The following VEGFD variants were observed in gnomAD, a reference collection of about 807,000 sequenced individuals.
VEGFD encodes the protein vascular endothelial growth factor D, also known as c-fos induced growth factor (vascular endothelial growth factor D).
A neutral mutation model predicts 28.0 loss-of-function variants in VEGFD; 26 were observed. The ratio of observed to expected loss-of-function variants is 0.93; its 90% CI spans 0.68 to 1.29. The LOEUF (loss-of-function observed/expected upper bound fraction) is 1.29. VEGFD is among the 50% of genes most tolerant of loss of function. VEGFD has a pLI of 0.00. For missense variants in VEGFD, 294 were observed against 273.4 expected (o/e 1.08, Z -0.53); for synonymous variants, 93 against 95.5 (o/e 0.97, Z 0.15).
At chrX:15,369,186 T>C (rs1923247820) in intron 1 of VEGFD, among the ~76,000 whole-genome samples, 1 of 111,466 alleles carries the variant, frequency 9.0e-6, no homozygotes, top group African/African-American at 3.3e-5. Context: ...TAGGAGAAAC[T>C]TGGAAGTGTC....
At chrX:15,368,127 AAG>A (rs1294080050) in intron 1 of VEGFD, among the ~76,000 whole-genome samples, 9 of 108,827 alleles carry the variant, frequency 8.3e-5, no homozygotes, top group African/African-American at 2.7e-4. Context: ...AAAGGAGAGA[AAG>A]AGAAAGAAAG....
At chrX:15,358,338 T>A in intron 2 of VEGFD, 145 bp from the exon 3 acceptor site, 1 of 511,320 alleles carries the variant, frequency 2.0e-6, no homozygotes, top group Non-Finnish European at 3.2e-6. Flanking sequence ...TGTCAGTCCT[T>A]TAACCAAAGA....
At chrX:15,350,564 G>T (rs781662670) in intron 5 of VEGFD, among the ~76,000 whole-genome samples, 12 of 112,230 alleles carry the variant, frequency 1.1e-4, no homozygotes, top group Non-Finnish European at 1.7e-4. Flanking sequence ...ACTGCGCTGT[G>T]GTCTGCTGCC....
At chrX:15,348,471 C>T in intron 5 of VEGFD, among the ~76,000 whole-genome samples, 1 of 112,564 alleles carries the variant, frequency 8.9e-6, no homozygotes, top group East Asian at 2.8e-4. Flanking sequence ...AACCAATTTT[C>T]CCACCAGGAC....
intron 2 of VEGFD, among the ~76,000 whole-genome samples, chrX:15,360,718 C>T (rs1222864039): frequency 8.9e-6 from 1 of 112,007 alleles, no homozygotes; most frequent in Non-Finnish European, 1.9e-5. Context: ...AGATAAATTA[C>T]TCAATTAAGT....
intron 1 of VEGFD, among the ~76,000 whole-genome samples, chrX:15,377,129 CTGTT>C (rs1210075589): frequency 8.9e-6 from 1 of 112,512 alleles, no homozygotes; most frequent in Non-Finnish European, 1.9e-5. Flanking sequence ...AACTCCCTGA[CTGTT>C]AGTAAGACAT....
rs763378988 is a variant in VEGFD at position 15,382,214 on chromosome X, A to G, written c.90+1643T>C. On this transcript the variant is annotated intron_variant, in intron 1 of 6. Coordinates refer to ENST00000297904, the MANE Select transcript of VEGFD (RefSeq NM_004469.5). ...ACGTGCCTATAATTCCAGCTACTCG[A>G]GAGGCTGAGGCAGGGGAATCACTTG... is the stretch of plus-strand genomic sequence containing the variant. 7.3e-5 allele frequency among the ~76,000 whole-genome samples: 8 copies of G among 110,335 alleles called. No individual in the cohort carries two copies. In the South Asian group the frequency reaches 2.7e-3, roughly 37 times the overall value.
At chrX:15,381,253 G>T in intron 1 of VEGFD, among the ~76,000 whole-genome samples, 1 of 110,701 alleles carries the variant, frequency 9.0e-6, no homozygotes, top group Non-Finnish European at 1.9e-5. Context: ...TTTCATGATT[G>T]CTACAGGAAA....
Position 15,347,155 on chromosome X carries a change from G to A in VEGFD, c.938+9C>T. On this transcript the variant is annotated intron_variant, in intron 6 of 6. Transcript: ENST00000297904. The stretch of plus-strand genomic sequence containing the variant: ...CATGAGTAAAGGCAAGACAACTCAA[G>A]GCATTTACCTGCAGGTGTCTGGGTG... The A allele has an allele frequency of 8.3e-7, 1 of 1,200,482 alleles. No individual in the cohort carries two copies. Among genetic ancestry groups the A allele is most frequent in the Non-Finnish European group, 1.1e-6 (1 of 888,699 alleles).
At chrX:15,348,045 A>G (rs890990957) in intron 5 of VEGFD, among the ~76,000 whole-genome samples, 1 of 112,207 alleles carries the variant, frequency 8.9e-6, no homozygotes, top group African/African-American at 3.3e-5. Context: ...TGCAAAATAA[A>G]TGGAAGAGAC....
chrX:15,352,320 C>CTT lies in VEGFD; in HGVS notation c.742+746_742+747dup, dbSNP rs72308727. 6.3e-3 allele frequency among the ~76,000 whole-genome samples: 633 copies of CTT among 100,472 alleles called. 4 individuals are homozygous for CTT. The highest frequency in any genetic ancestry group is 0.011 in the Non-Finnish European group (521 of 49,256). The allele number at this position is 100,472 out of a possible 115,157, so 87.2% of individuals were successfully genotyped here. On this transcript the variant is annotated intron_variant, in intron 5 of 6. Coordinates refer to ENST00000297904, the MANE Select transcript of VEGFD (RefSeq NM_004469.5). Reference sequence around the variant, plus strand: ...ACTACTTGTGACTTTTTTTTTCTTTCTTTTTTTTTTTTGGTGGAACCATGT... The same window carrying CTT: ...ACTACTTGTGACTTTTTTTTTCTTTCTTTTTTTTTTTTTTGGTGGAACCATGT...
chrX:15,361,991 C>T (rs1047783501), intron 2 of VEGFD, among the ~76,000 whole-genome samples: 5 of 111,513 alleles, frequency 4.5e-5, no homozygotes, highest in African/African-American at 1.6e-4. Context: ...GCCTCAGCCT[C>T]CCAAGTAGTT....
chrX:15,350,683 A>C (rs1232048867), intron 5 of VEGFD, among the ~76,000 whole-genome samples: 1 of 112,234 alleles, frequency 8.9e-6, no homozygotes, highest in Non-Finnish European at 1.9e-5. Context: ...TTAAGCTCTA[A>C]GTATATTGCC....
At chrX:15,350,815 C>T (rs865944967) in intron 5 of VEGFD, among the ~76,000 whole-genome samples, 9 of 61,001 alleles carry the variant, frequency 1.5e-4, no homozygotes, top group African/African-American at 5.7e-4. Flanking sequence ...CTTTCTTTCT[C>T]TCTCTCTCTC....
At chrX:15,383,683 TAA>T (rs1923643621) in intron 1 of VEGFD, among the ~76,000 whole-genome samples, 172 bp downstream of exon 1, 1 of 112,096 alleles carries the variant, frequency 8.9e-6, no homozygotes, top group Non-Finnish European at 1.9e-5. Flanking sequence ...GCCAGAAGTT[TAA>T]TAAGACTAAG....
At chrX:15,358,857 T>TA (rs1250438098) in intron 2 of VEGFD, among the ~76,000 whole-genome samples, 1 of 112,329 alleles carries the variant, frequency 8.9e-6, no homozygotes, top group South Asian at 3.6e-4. Flanking sequence ...CCTATGGGAA[T>TA]AAAAAAATTA....
In VEGFD at chrX:15,363,102, C is replaced by T. The variant is rs1320611869; in HGVS notation, c.301+7G>A. The T allele has an allele frequency of 5.0e-6, 6 of 1,204,210 alleles. No individual in the cohort carries two copies. The highest frequency in any genetic ancestry group is 1.8e-5 in the African/African-American group (1 of 57,029). On this transcript the variant is annotated splice_region_variant and intron_variant, in intron 2 of 6. Transcript: ENST00000297904. ...GAAAGAATTTGTCTCCACATCCACA[C>T]ACCTACCTTTTAGTGTTTCAATGTC...
chrX:15,363,236 GT>G lies in VEGFD; in HGVS notation c.173del (p.His58ProfsTer12). ...SSLEELLRIT[H>X]SEDWKLWRCR... is the part of the protein sequence containing the mutation. ...ATCTCCACAGCTTCCAGTCCTCAGA[GT>G]GAGTAATTCGAAGTAGTTCCTCCAA... On this transcript the variant is annotated frameshift_variant, in exon 2 of 7. Coordinates refer to ENST00000297904, the MANE Select transcript of VEGFD (RefSeq NM_004469.5). LOFTEE classifies it high-confidence loss of function. 1 of 1,211,239 alleles carries G rather than the reference GT, an allele frequency of 8.3e-7. No individual in the cohort carries two copies. The highest frequency in any genetic ancestry group is 1.1e-6 in the Non-Finnish European group (1 of 895,047).
intron 1 of VEGFD, among the ~76,000 whole-genome samples, chrX:15,371,322 A>C (rs1188275552): frequency 8.9e-6 from 1 of 112,411 alleles, no homozygotes; most frequent in African/African-American, 3.2e-5. Context: ...TTAATGTTAT[A>C]GTGGAAAATA....
Sources: gnomAD v4.1 joint callset for allele counts (sites outside exome capture counted in the v4.1 genomes callset) on GRCh38, gnomAD v4.1.1 for gene constraint, MANE v1.5 for transcripts, NCBI Gene and HGNC (gene_info 2026-07-23, HGNC 2026-07-21) for gene names.